The following SMIM5 variants were observed in gnomAD, a reference collection of about 807,000 sequenced individuals.
The protein encoded by SMIM5 is small integral membrane protein 5, also known as chromosome 17 open reading frame 109.
Under a neutral mutation model 4.0 loss-of-function variants are expected in SMIM5, and 4 were observed. The observed-to-expected ratio is 1.01, with a 90% CI of 0.50 to 2.30. The LOEUF is 2.30. SMIM5 is among the 30% of genes most tolerant of loss of function. The pLI, the probability that SMIM5 is intolerant of heterozygous loss-of-function variation, is 0.02. For missense variants in SMIM5, 107 were observed against 99.2 expected, an observed-to-expected ratio of 1.08 and a Z score of -0.34; for synonymous variants, 46 against 43.6, an observed-to-expected ratio of 1.05 and a Z score of -0.22.
rs2059269992 is a variant in SMIM5 at position 75,633,934 on chromosome 17, C to T, written c.-305C>T. 1.0e-6 allele frequency: 1 copy of T among 985,914 alleles called. No homozygotes were observed. Among genetic ancestry groups the T allele is most frequent in the Non-Finnish European group, 1.2e-6 (1 of 830,248 alleles). 61.1% of individuals were successfully genotyped at this position (985,914 alleles called of 1,614,324 possible). A position where few individuals can be genotyped will look rare whatever the true frequency, so the allele number is the denominator to read the frequency against. ...TTGTCCCTGAGCAGCGCTCTCAGGG[C>T]AGAGGTGAGGCACCGGGACATGAAG... On this transcript the variant is annotated 5_prime_UTR_variant, in exon 1 of 3. Transcript: ENST00000375215.
At position 75,640,983 on chromosome 17, in the gene SMIM5, C is replaced by T. The variant is rs1251982957; in HGVS notation, c.*86C>T. On this transcript the variant is annotated 3_prime_UTR_variant, in exon 3 of 3. Transcript: ENST00000375215. This position sits in a 1 kb window ranked among gnomAD's most constrained non-coding sequence, Gnocchi z 4.6. ...ATCAGCCTGGCCCTGCAGCCCTTAC[C>T]CCTCAAGACCAGGCTCCCCTGGCCC... The T allele has an allele frequency of 2.0e-6, 3 of 1,503,018 alleles. No homozygotes were observed. Among genetic ancestry groups the T allele is most frequent in the Non-Finnish European group, 1.8e-6 (2 of 1,123,068 alleles). The allele number at this position is 1,503,018 out of a possible 1,614,324, so 93.1% of individuals were successfully genotyped here.
chr17:75,640,823 A>G lies in SMIM5; in HGVS notation c.160A>G (p.Ser54Gly). ...TVLLLLLIAC[S>G]CCCTHCCCPE... ...TCTGCTGTTGCTGCTGATAGCCTGCAGCTGCTGCTGCACTCACTGCTGCTG... is the reference window on the plus strand; with the variant it reads ...TCTGCTGTTGCTGCTGATAGCCTGCGGCTGCTGCTGCACTCACTGCTGCTG... The change falls in exon 3 of 3, where the codon AGC becomes GGC. Residue 54 changes from serine (S) to glycine (G), a missense_variant. By Grantham distance (56) the Ser-to-Gly change is moderately conservative. Coordinates refer to ENST00000375215, the MANE Select transcript of SMIM5 (RefSeq NM_001162995.3). This position sits in a 1 kb window ranked among gnomAD's most constrained non-coding sequence, Gnocchi z 4.6. 1.3e-6 allele frequency: 2 copies of G among 1,550,186 alleles called. No homozygotes were observed. The highest frequency in any genetic ancestry group is 2.4e-5 in the South Asian group (2 of 84,060).
chr17:75,637,577 C>T (rs2059349209), intron 1 of SMIM5: 1 of 152,222 alleles, frequency 6.6e-6, no homozygotes, highest in Non-Finnish European at 1.5e-5. Flanking sequence ...CCAGAGGGTT[C>T]AGTCCTACAC....
At chr17:75,635,630 C>T (rs923178205) in intron 1 of SMIM5, among the ~76,000 whole-genome samples, 2 of 152,222 alleles carry the variant, frequency 1.3e-5, no homozygotes, top group Admixed American at 1.3e-4. Flanking sequence ...GGGCATCCCC[C>T]CCGGCTGCTC....
chr17:75,634,715 A>G (rs1203295623), intron 1 of SMIM5, among the ~76,000 whole-genome samples: 3 of 152,182 alleles, frequency 2.0e-5, no homozygotes, highest in Non-Finnish European at 2.9e-5. Context: ...TGGTGTTCTC[A>G]GCTCACGGCT....
At chr17:75,635,844 T>C (rs565751821) in intron 1 of SMIM5, 1 of 985,430 alleles carries the variant, frequency 1.0e-6, no homozygotes, top group African/African-American at 1.7e-5. Context: ...CTGCCAGCCC[T>C]TCCTCGTGAG....
intron 1 of SMIM5, chr17:75,638,071 C>T (rs973630758): frequency 7.9e-5 from 12 of 152,206 alleles, no homozygotes; most frequent in Non-Finnish European, 1.6e-4. Flanking sequence ...GCACTCACTC[C>T]AGGTGAGGTG....
At chr17:75,634,309 C>G in intron 1 of SMIM5, 107 bp downstream of exon 1, 1 of 963,392 alleles carries the variant, frequency 1.0e-6, no homozygotes. Flanking sequence ...GAGAGGTCTT[C>G]GGGGACATGC....
In SMIM5 at chr17:75,640,222, G is replaced by A. The variant is rs759217824; in HGVS notation, c.21G>A (p.Val7=). Residue 7 remains valine, a synonymous_variant, in exon 2 of 3, where the codon GTG becomes GTA. Transcript: ENST00000375215. This position sits in a 1 kb window ranked among gnomAD's most constrained non-coding sequence, Gnocchi z 4.6. ...GCGGCATGGCTGCCACCGACTTCGT[G>A]CAGGAGATGCGCGCCGTGGGCGAGA... MAATDF[V]QEMRAVGERL... 5.2e-6 allele frequency: 8 copies of A among 1,550,386 alleles called. No individual in the cohort carries two copies. The highest frequency in any genetic ancestry group is 4.4e-6 in the Non-Finnish European group (5 of 1,146,618).
rs2059413111 is a variant in SMIM5 at position 75,640,371 on chromosome 17, T to A, written c.127+43T>A. The A allele has an allele frequency of 6.7e-7, 1 of 1,499,118 alleles. No homozygotes were observed. The highest frequency in any genetic ancestry group is 8.9e-7 in the Non-Finnish European group (1 of 1,118,418). The allele number at this position is 1,499,118 out of a possible 1,614,324, so 92.9% of individuals were successfully genotyped here. A position where few individuals can be genotyped will look rare whatever the true frequency, so the allele number is the denominator to read the frequency against. ...GCACCCCATGGCTCTCCCTGGCATC[T>A]GGGAGAGACCACACCATGGTGCCAG... On this transcript the variant is annotated intron_variant, in intron 2 of 2. Transcript: ENST00000375215. The surrounding 1 kb of genome is among the most constrained non-coding windows in gnomAD (Gnocchi z 4.6).
At chr17:75,634,451 CA>C (rs2059281346) in intron 1 of SMIM5, among the ~76,000 whole-genome samples, 1 of 152,240 alleles carries the variant, frequency 6.6e-6, no homozygotes, top group African/African-American at 2.4e-5. Flanking sequence ...TGCTGTGCAG[CA>C]GAGGGGCCCC....
chr17:75,634,011 T>C lies in SMIM5; in HGVS notation c.-228T>C. On this transcript the variant is annotated 5_prime_UTR_variant, in exon 1 of 3. It removes the in-frame stop codon of an upstream open reading frame in the 5' UTR. Coordinates refer to ENST00000375215, the MANE Select transcript of SMIM5 (RefSeq NM_001162995.3). ...TTCCTCGGGCTCCCCCTCGCGACGG[T>C]AATTTGACACTTGGATCTCCAGGAC... is the stretch of plus-strand genomic sequence containing the variant. The C allele has an allele frequency of 1.0e-6, 1 of 985,542 alleles. No homozygotes were observed. Among genetic ancestry groups the C allele is most frequent in the African/African-American group, 1.7e-5 (1 of 57,338 alleles). 61.0% of individuals were successfully genotyped at this position (985,542 alleles called of 1,614,324 possible).
rs78262004 is a variant in SMIM5 at position 75,636,495 on chromosome 17, G to C, written c.-37+2293G>C. On this transcript the variant is annotated intron_variant, in intron 1 of 2. Transcript: ENST00000375215. The surrounding 1 kb of genome is among the most constrained non-coding windows in gnomAD (Gnocchi z 5.4). ...GCCTCAGAGCTCCCATGTTCCCCTC[G>C]CCACAGCTGGGAACACTAAGGTTCC... The C allele has an allele frequency of 6.6e-6, 1 of 152,184 alleles. No homozygotes were observed. Among genetic ancestry groups the C allele is most frequent in the Admixed American group, 6.5e-5 (1 of 15,278 alleles). The allele number at this position is 152,184 out of a possible 1,614,324, so 9.4% of individuals were successfully genotyped here.
intron 1 of SMIM5, chr17:75,635,926 G>A: frequency 1.1e-6 from 1 of 929,098 alleles, no homozygotes; most frequent in Non-Finnish European, 1.3e-6. Flanking sequence ...GCAGCTGTCT[G>A]GCCTGCGGGA....
In SMIM5 at chr17:75,640,037, G is replaced by A; in HGVS notation, c.-36-129G>A. On this transcript the variant is annotated intron_variant, in intron 1 of 2. Transcript: ENST00000375215. The surrounding 1 kb of genome is among the most constrained non-coding windows in gnomAD (Gnocchi z 4.6). ...GGCCACCACTAGGTGGAAGTCACCA[G>A]GGGTGCAATGTGTGAGACCTGACAA... The A allele has an allele frequency of 1.0e-6, 1 of 980,348 alleles. No individual in the cohort carries two copies. The highest frequency in any genetic ancestry group is 1.7e-5 in the African/African-American group (1 of 60,444). The allele number at this position is 980,348 out of a possible 1,614,324, so 60.7% of individuals were successfully genotyped here.
chr17:75,634,300 A>T (rs1376856747), intron 1 of SMIM5, 98 bp downstream of exon 1: 1 of 976,780 alleles, frequency 1.0e-6, no homozygotes, highest in Non-Finnish European at 1.2e-6. Flanking sequence ...ATAAACACGG[A>T]GAGGTCTTCG....
At position 75,634,125 on chromosome 17, in the gene SMIM5, C is replaced by A; in HGVS notation, c.-114C>A. 1.7e-5 allele frequency: 17 copies of A among 985,496 alleles called. No homozygotes were observed. The highest frequency in any genetic ancestry group is 2.0e-5 in the Non-Finnish European group (17 of 829,988). 61.0% of individuals were successfully genotyped at this position (985,496 alleles called of 1,614,324 possible). On this transcript the variant is annotated 5_prime_UTR_variant, in exon 1 of 3. Transcript: ENST00000375215. ...GCGCCCAGGGGAGCAGCGGCGCCCA[C>A]GAAGGAAGTACGAGGACAGCACGTG...
rs1409888229 is a variant in SMIM5, at chr17:75,640,038, G to A, written c.-36-128G>A. On this transcript the variant is annotated intron_variant, in intron 1 of 2. Transcript: ENST00000375215. The surrounding 1 kb of genome is among the most constrained non-coding windows in gnomAD (Gnocchi z 4.6). ...GCCACCACTAGGTGGAAGTCACCAG[G>A]GGTGCAATGTGTGAGACCTGACAAA... The A allele has an allele frequency of 9.2e-6, 9 of 977,248 alleles. No homozygotes were observed. Among genetic ancestry groups the A allele is most frequent in the Middle Eastern group, 3.3e-4 (1 of 3,022 alleles). 60.5% of individuals were successfully genotyped at this position (977,248 alleles called of 1,614,324 possible).
intron 1 of SMIM5, chr17:75,639,925 G>A: frequency 5.4e-6 from 2 of 367,924 alleles, no homozygotes; most frequent in East Asian, 4.7e-5. Context: ...CGCCGCCTTG[G>A]CCGGCAGCCC....
Sources: allele counts gnomAD v4.1 joint callset (sites outside exome capture counted in the v4.1 genomes callset), GRCh38; gene constraint gnomAD v4.1.1; non-coding constraint Gnocchi (gnomAD v3.1); transcripts MANE v1.5; gene names NCBI Gene and HGNC (gene_info 2026-07-23, HGNC 2026-07-21).